POLQ: variants seen among roughly 807,000 people sequenced by gnomAD.
POLQ encodes the protein DNA polymerase theta.
POLQ carries 233 observed loss-of-function variants against 259.2 expected under a neutral mutation model. The observed-to-expected ratio is 0.90, with a 90% CI of 0.81 to 1.00. The LOEUF (loss-of-function observed/expected upper bound fraction) is 1.00. Ranked by LOEUF, POLQ falls within the 50% of genes least tolerant of loss-of-function variation. POLQ has a pLI of 0.00. For synonymous variants in POLQ, 1,025 were observed against 1,048.8 expected (o/e 0.98, Z 0.44); for missense variants, 2,871 against 3,051.6 (o/e 0.94, Z 1.39).
chr3:121,484,648 C>T (rs1161463868), intron 17 of POLQ, among the ~76,000 whole-genome samples: 2 of 152,214 alleles, frequency 1.3e-5, no homozygotes, highest in Non-Finnish European at 2.9e-5. Flanking sequence ...CACCTGTAAT[C>T]CCAACACTTT....
In POLQ at chr3:121,510,162, C is replaced by G. The variant is rs1319977618; in HGVS notation, c.1693G>C (p.Glu565Gln). 1.9e-6 allele frequency: 3 copies of G among 1,614,056 alleles called. No homozygotes were observed. The South Asian group carries it at 3.3e-5, about 18-fold the overall frequency. The change falls in exon 11 of 30, where the codon GAA becomes CAA. Residue 565 changes from glutamate (E) to glutamine (Q), a missense_variant. Transcript: ENST00000264233. ...ACTFLAASMKEGKQGIQRNQE... is the reference protein window; with the variant it reads ...ACTFLAASMKQGKQGIQRNQE... ...TTTCTCTGAATTCCTTGCTTCCCTT[C>G]TTTCATACTTGCAGCCAAAAATGTG...
intron 24 of POLQ, among the ~76,000 whole-genome samples, chr3:121,464,960 T>C (rs1039429478): frequency 7.2e-5 from 11 of 152,228 alleles, no homozygotes; most frequent in Non-Finnish European, 1.5e-4. Context: ...TTGTAATGGA[T>C]GTTTCTGCTT....
chr3:121,510,275 T>G (rs760035971), intron 10 of POLQ, 32 bp from the exon 11 acceptor site: 1 of 1,549,988 alleles, frequency 6.5e-7, no homozygotes, highest in East Asian at 2.2e-5. Flanking sequence ...TTTCTGTAGC[T>G]TTTTAAGAAA....
At position 121,488,766 on chromosome 3, in the gene POLQ, G is replaced by A; in HGVS notation, c.4165C>T (p.His1389Tyr). 6.2e-7 allele frequency: 1 copy of A among 1,613,940 alleles called. No individual in the cohort carries two copies. The highest frequency in any genetic ancestry group is 8.5e-7 in the Non-Finnish European group (1 of 1,179,904). ...QHPLGATKID[H>Y]LDLKTVGTMK... ...GTACCTACAGTCTTAAGGTCCAAAT[G>A]ATCTATCTTAGTCGCTCCTAGAGGG... The change falls in exon 16 of 30, where the codon CAT becomes TAT. Residue 1389 changes from histidine to tyrosine, a missense_variant. By Grantham distance (83) the His-to-Tyr change is moderately conservative. Around this residue, in one of 3 missense-constraint regions of POLQ, gnomAD observed 2,080 missense variants for 2,126.0 expected, o/e 0.98. Transcript: ENST00000264233.
At chr3:121,456,361 T>A (rs2047737237) in intron 25 of POLQ, among the ~76,000 whole-genome samples, 1 of 151,902 alleles carries the variant, frequency 6.6e-6, no homozygotes, top group Admixed American at 6.6e-5. Context: ...CTATTCAACA[T>A]AGTGTTGGAA....
At position 121,472,167 on chromosome 3, in the gene POLQ, G is replaced by T. The variant is rs768066941; in HGVS notation, c.6544-3C>A. 7.2e-7 allele frequency: 1 copy of T among 1,386,342 alleles called. No homozygotes were observed. The allele number at this position is 1,386,342 out of a possible 1,614,324, so 85.9% of individuals were successfully genotyped here. ...GCCTTTAATTTATTTAAAACGTCCT[G>T]CCAAAAAAATATAAGGTAAGATTGA... On this transcript the variant is annotated splice_polypyrimidine_tract_variant and splice_region_variant and intron_variant, in intron 21 of 29. Coordinates refer to ENST00000264233, the MANE Select transcript of POLQ (RefSeq NM_199420.4).
At chr3:121,470,109 C>T (rs1312241129) in intron 22 of POLQ, among the ~76,000 whole-genome samples, 1 of 152,004 alleles carries the variant, frequency 6.6e-6, no homozygotes, top group Non-Finnish European at 1.5e-5. Context: ...TTGAGACCAT[C>T]CTGGCCAATA....
intron 25 of POLQ, among the ~76,000 whole-genome samples, chr3:121,459,369 A>ATTTTTTTTTTTTTTTTT (rs58859161): frequency 1.6e-4 from 17 of 104,736 alleles, no homozygotes; most frequent in South Asian, 4.0e-4. Context: ...GACTAGAAAG[A>ATTTTTTTTTTTTTTTTT]TTTTTTTTTT....
At chr3:121,475,782 C>A (rs2047920304) in intron 20 of POLQ, among the ~76,000 whole-genome samples, 1 of 152,194 alleles carries the variant, frequency 6.6e-6, no homozygotes, top group Non-Finnish European at 1.5e-5. Flanking sequence ...CTGTAGCTTA[C>A]ATGCTTTCAG....
In POLQ at chr3:121,432,190, T is replaced by C; in HGVS notation, c.*114A>G. 1.0e-6 allele frequency: 1 copy of C among 956,080 alleles called. No homozygotes were observed. Among genetic ancestry groups the C allele is most frequent in the Non-Finnish European group, 1.5e-6 (1 of 669,282 alleles). 59.2% of individuals were successfully genotyped at this position (956,080 alleles called of 1,614,324 possible). On this transcript the variant is annotated 3_prime_UTR_variant, in exon 30 of 30. Transcript: ENST00000264233. ...CTCACTATAAAATTACTAGGCTAAG[T>C]CTATCAAGACTTGAAAGTTTGTTTT...
intron 22 of POLQ, among the ~76,000 whole-genome samples, chr3:121,470,915 G>A (rs936342103): frequency 1.5e-4 from 23 of 152,188 alleles, no homozygotes; most frequent in South Asian, 1.0e-3. Flanking sequence ...GATTACAGGC[G>A]GCAGCCACTG....
In POLQ at chr3:121,510,031, A is replaced by G; in HGVS notation, c.1816+8T>C. The G allele has an allele frequency of 6.2e-7, 1 of 1,607,902 alleles. No individual in the cohort carries two copies. The highest frequency in any genetic ancestry group is 8.5e-7 in the Non-Finnish European group (1 of 1,174,500). On this transcript the variant is annotated splice_region_variant and intron_variant, in intron 11 of 29. Coordinates refer to ENST00000264233, the MANE Select transcript of POLQ (RefSeq NM_199420.4). The stretch of plus-strand genomic sequence containing the variant: ...GTGAGTAAATTGCAACTGAGAAGTC[A>G]CACTTACCTTCTGTTCCATCACTGG...
chr3:121,455,968 A>T (rs562827446), intron 25 of POLQ, among the ~76,000 whole-genome samples: 103 of 152,352 alleles, frequency 6.8e-4, no homozygotes, highest in African/African-American at 2.3e-3. Context: ...ATGAACATTG[A>T]TGCAAAAATC....
At chr3:121,436,812 T>C (rs928089266) in intron 27 of POLQ, among the ~76,000 whole-genome samples, 3 of 151,644 alleles carry the variant, frequency 2.0e-5, no homozygotes, top group African/African-American at 7.3e-5. Context: ...TAGCCGCTAG[T>C]GAAAACGCAC....
intron 25 of POLQ, among the ~76,000 whole-genome samples, chr3:121,455,136 G>C (rs1472004185): frequency 6.0e-5 from 9 of 149,972 alleles, no homozygotes; most frequent in Non-Finnish European, 8.9e-5. Flanking sequence ...ATGACTACTG[G>C]GTACATAACA....
chr3:121,494,742 A>G, intron 14 of POLQ: 1 of 1,553,314 alleles, frequency 6.4e-7, no homozygotes, highest in East Asian at 2.2e-5. Flanking sequence ...TCGGAAGACA[A>G]AGGCACTTTG....
chr3:121,457,035 A>G (rs1369577563), intron 25 of POLQ, among the ~76,000 whole-genome samples: 1 of 152,176 alleles, frequency 6.6e-6, no homozygotes, highest in Non-Finnish European at 1.5e-5. Context: ...CCAAAACAGA[A>G]ATGTAGATCA....
chr3:121,452,060 C>G (rs1576401216), intron 25 of POLQ, among the ~76,000 whole-genome samples: 1 of 152,212 alleles, frequency 6.6e-6, no homozygotes, highest in South Asian at 2.1e-4. Flanking sequence ...ATGAGCGAGG[C>G]TCCATGGACA....
Position 121,443,967 on chromosome 3 carries a change from A to G in POLQ, c.7265-3851T>C, listed in dbSNP as rs143144587. On this transcript the variant is annotated intron_variant, in intron 26 of 29. Coordinates refer to ENST00000264233, the MANE Select transcript of POLQ (RefSeq NM_199420.4). Reference sequence around the variant, plus strand: ...TTTGTGCCTGTTTTATACCAGTACTATGTCATTTTGGTTACTATATGTCTG... The same window carrying G: ...TTTGTGCCTGTTTTATACCAGTACTGTGTCATTTTGGTTACTATATGTCTG... 8.1e-3 allele frequency among the ~76,000 whole-genome samples: 1,231 copies of G among 152,232 alleles called. 15 individuals carry two copies. The highest frequency in any genetic ancestry group is 0.028 in the African/African-American group (1,170 of 41,546).
Sources: allele counts gnomAD v4.1 joint callset (sites outside exome capture counted in the v4.1 genomes callset), GRCh38; gene constraint gnomAD v4.1.1; regional missense constraint gnomAD v4.1.1; transcripts MANE v1.5; gene names NCBI Gene and HGNC (gene_info 2026-07-23, HGNC 2026-07-21).